The following ZNF131 variants were observed in gnomAD, a reference collection of about 807,000 sequenced individuals.
ZNF131 encodes the protein zinc finger protein 131.
ZNF131 carries 7 observed loss-of-function variants against 60.0 expected under a neutral mutation model. That is an observed-to-expected ratio of 0.12 (90% confidence interval 0.07 to 0.22). The LOEUF (loss-of-function observed/expected upper bound fraction) is 0.22. Among genes scored for constraint, ZNF131 ranks in the 10% least tolerant of loss-of-function variants. The pLI, the probability that ZNF131 is intolerant of heterozygous loss-of-function variation, is 1.00. For missense variants in ZNF131, 493 were observed against 740.9 expected, an observed-to-expected ratio of 0.67 and a Z score of 3.88; for synonymous variants, 257 against 253.2, an observed-to-expected ratio of 1.01 and a Z score of -0.14.
At chr5:43,172,427 C>T (rs922495473) in intron 5 of ZNF131, among the ~76,000 whole-genome samples, 3 of 152,194 alleles carry the variant, frequency 2.0e-5, no homozygotes, top group Admixed American at 2.0e-4. Flanking sequence ...TTGAGACCAG[C>T]CTGGCCAACA....
intron 4 of ZNF131, among the ~76,000 whole-genome samples, chr5:43,149,527 C>A (rs969339018): frequency 6.6e-6 from 1 of 152,052 alleles, no homozygotes; most frequent in East Asian, 1.9e-4. Context: ...TTTGGACATA[C>A]GCTTTCATTT....
At chr5:43,164,701 A>G (rs1197896743) in intron 5 of ZNF131, among the ~76,000 whole-genome samples, 1 of 152,108 alleles carries the variant, frequency 6.6e-6, no homozygotes, top group Non-Finnish European at 1.5e-5. Flanking sequence ...CAGGTCTTAG[A>G]TTTTTTATTT....
chr5:43,170,070 A>G (rs1750796640), intron 5 of ZNF131, among the ~76,000 whole-genome samples: 1 of 152,240 alleles, frequency 6.6e-6, no homozygotes, highest in African/African-American at 2.4e-5. Context: ...CACATTTTAT[A>G]TCTTGACAAA....
chr5:43,123,445 A>G, intron 3 of ZNF131, 135 bp downstream of exon 3: 1 of 625,644 alleles, frequency 1.6e-6, no homozygotes, highest in South Asian at 2.5e-5. Context: ...CATAGGAAAT[A>G]GGCATCAGTA....
intron 3 of ZNF131, among the ~76,000 whole-genome samples, chr5:43,125,230 GA>G (rs1354932550): frequency 2.0e-5 from 3 of 152,120 alleles, no homozygotes; most frequent in South Asian, 2.1e-4. Context: ...TATCACTGAA[GA>G]GGGAGAATGA....
At chr5:43,144,717 C>G (rs182514260) in intron 4 of ZNF131, among the ~76,000 whole-genome samples, 1 of 152,176 alleles carries the variant, frequency 6.6e-6, no homozygotes. Flanking sequence ...AGCTGTGGGT[C>G]AGATCAAATC....
intron 5 of ZNF131, among the ~76,000 whole-genome samples, chr5:43,169,877 G>A (rs747429501): frequency 1.8e-4 from 27 of 151,212 alleles, no homozygotes; most frequent in Non-Finnish European, 2.4e-4. Context: ...TGCAACCTCC[G>A]TCTTCTGGTT....
chr5:43,144,795 A>G (rs16873177), intron 4 of ZNF131, among the ~76,000 whole-genome samples: 14,738 of 152,002 alleles, frequency 0.097, 842 homozygotes, highest in East Asian at 0.19. Flanking sequence ...TCTTAAAACA[A>G]TATCTGCCAC....
At chr5:43,143,508 A>T in intron 4 of ZNF131, 1 of 877,870 alleles carries the variant, frequency 1.1e-6, no homozygotes, top group Non-Finnish European at 1.6e-6. Context: ...ACTAGTTTAG[A>T]TGAGCCAGAC....
At chr5:43,143,733 C>T (rs1172294718) in intron 4 of ZNF131, among the ~76,000 whole-genome samples, 2 of 151,906 alleles carry the variant, frequency 1.3e-5, no homozygotes, top group Admixed American at 1.3e-4. Flanking sequence ...TAGGGTACAC[C>T]ATCAGTGTCC....
At chr5:43,160,199 AC>A (rs1561434390) in intron 4 of ZNF131, among the ~76,000 whole-genome samples, 2 of 148,834 alleles carry the variant, frequency 1.3e-5, no homozygotes, top group Non-Finnish European at 3.0e-5. Context: ...AAAAAAAAAA[AC>A]AAAAAAAGAA....
chr5:43,175,635 G>T lies in ZNF131; in HGVS notation c.*502G>T. 1 of 473,006 alleles carries T rather than the reference G, an allele frequency of 2.1e-6. No individual in the cohort carries two copies. The highest frequency in any genetic ancestry group is 3.7e-6 in the Non-Finnish European group (1 of 269,572). 29.3% of individuals were successfully genotyped at this position (473,006 alleles called of 1,614,324 possible). ...TTTGGCTTCTGGCTTTCTTTAGTTT[G>T]AACAAACGTTCTTGTCTACCCCAGT... On this transcript the variant is annotated 3_prime_UTR_variant, in exon 7 of 7. Coordinates refer to ENST00000682664, the MANE Select transcript of ZNF131 (RefSeq NM_001330707.2).
intron 3 of ZNF131, among the ~76,000 whole-genome samples, chr5:43,125,972 CT>C: frequency 6.6e-6 from 1 of 152,190 alleles, no homozygotes; most frequent in Non-Finnish European, 1.5e-5. Flanking sequence ...TAGACACACA[CT>C]TTATTTCTGT....
chr5:43,141,542 T>C (rs10058350), intron 4 of ZNF131, among the ~76,000 whole-genome samples: 107,299 of 151,862 alleles, frequency 0.71, 38,233 homozygotes, highest in East Asian at 0.84. Flanking sequence ...CCAAGGTGGG[T>C]GGATTACTTG....
At chr5:43,172,628 A>AAC (rs1579924718) in intron 5 of ZNF131, among the ~76,000 whole-genome samples, 1 of 152,060 alleles carries the variant, frequency 6.6e-6, no homozygotes, top group African/African-American at 2.4e-5. Context: ...AAAAAAAAAA[A>AAC]AAAACCCTAA....
At position 43,168,706 on chromosome 5, in the gene ZNF131, T is replaced by G. The variant is rs571615262; in HGVS notation, c.1055-4612T>G. The stretch of plus-strand genomic sequence containing the variant: ...TAGAGAGATGACTGGCAAGATAGAT[T>G]GGAGTGGGTTGAAACCTGCTAGCTC... On this transcript the variant is annotated intron_variant, in intron 5 of 6. Transcript: ENST00000682664. 7.2e-5 allele frequency among the ~76,000 whole-genome samples: 11 copies of G among 152,248 alleles called. No homozygotes were observed. The South Asian group carries it at 2.1e-3, about 29-fold the overall frequency.
intron 4 of ZNF131, among the ~76,000 whole-genome samples, chr5:43,142,555 C>T (rs1485492824): frequency 2.6e-5 from 4 of 151,928 alleles, no homozygotes; most frequent in Non-Finnish European, 4.4e-5. Context: ...CCACCTGCCT[C>T]GACCTCCCAA....
At chr5:43,137,080 T>G (rs536442288) in intron 3 of ZNF131, among the ~76,000 whole-genome samples, 2 of 152,164 alleles carry the variant, frequency 1.3e-5, no homozygotes, top group Non-Finnish European at 2.9e-5. Context: ...AATTGGAGAC[T>G]TAGACATAAG....
intron 4 of ZNF131, among the ~76,000 whole-genome samples, chr5:43,152,368 T>G (rs1018496174): frequency 6.6e-6 from 1 of 152,168 alleles, no homozygotes; most frequent in Non-Finnish European, 1.5e-5. Flanking sequence ...GTCCACCTCA[T>G]GGACTGATCT....
Sources: allele counts gnomAD v4.1 joint callset (sites outside exome capture counted in the v4.1 genomes callset), GRCh38; gene constraint gnomAD v4.1.1; transcripts MANE v1.5; gene names NCBI Gene and HGNC (gene_info 2026-07-23, HGNC 2026-07-21).